Variants in LARGE1 observed in about 807,000 individuals in gnomAD.
LARGE1 encodes the protein xylosyl- and glucuronyltransferase LARGE1.
Under a neutral mutation model 87.6 loss-of-function variants are expected in LARGE1, and 43 were observed. The observed-to-expected ratio is 0.49, with a 90% CI of 0.38 to 0.63. LARGE1 has a LOEUF of 0.63. LARGE1 is among the 30% of genes least tolerant of loss of function. LARGE1 has a pLI of 0.00. For missense variants in LARGE1, 802 were observed against 1,000.2 expected, an observed-to-expected ratio of 0.80 and a Z score of 2.67; for synonymous variants, 434 against 394.6, an observed-to-expected ratio of 1.10 and a Z score of -1.18.
At chr22:33,159,203 T>C (rs1316313280), downstream of LARGE1, among the ~76,000 whole-genome samples, 1 of 152,200 alleles carries the variant, frequency 6.6e-6, no homozygotes, top group Non-Finnish European at 1.5e-5. Flanking sequence ...TTTCTCCACA[T>C]TCTCTAATTG....
the LARGE1 span, among the ~76,000 whole-genome samples, chr22:33,098,414 T>C: frequency 2.0e-5 from 3 of 152,012 alleles, no homozygotes; most frequent in Admixed American, 6.6e-5. Flanking sequence ...GGTCAGGAGA[T>C]GGAGACCATC....
chr22:33,435,462 A>G (rs760541), intron 6 of LARGE1, among the ~76,000 whole-genome samples: 57,500 of 152,062 alleles, frequency 0.38, 11,931 homozygotes, highest in African/African-American at 0.54. Flanking sequence ...GGTGCTTAAT[A>G]AATGTCTGCT....
At chr22:33,852,866 AAAAAAAAAAAAAAG>A (rs1440419129) in intron 1 of LARGE1, among the ~76,000 whole-genome samples, 18 of 105,460 alleles carry the variant, frequency 1.7e-4, no homozygotes, top group African/African-American at 8.6e-4. Context: ...CAAAAAAAAA[AAAAAAAAAAAAAAG>A]AAAGAAAGAA....
chr22:33,604,816 G>A (rs1411455107), intron 4 of LARGE1, among the ~76,000 whole-genome samples: 1 of 152,120 alleles, frequency 6.6e-6, no homozygotes, highest in Admixed American at 6.5e-5. Flanking sequence ...CCCAATTCAG[G>A]CCAAACGCCA....
the LARGE1 span, among the ~76,000 whole-genome samples, chr22:33,133,197 A>G: frequency 2.0e-5 from 3 of 152,012 alleles, no homozygotes; most frequent in African/African-American, 4.8e-5. Context: ...TATTTTTTTA[A>G]TACTTTAAGT....
chr22:33,703,893 A>G (rs937502151), intron 2 of LARGE1, among the ~76,000 whole-genome samples: 1 of 152,344 alleles, frequency 6.6e-6, no homozygotes, highest in South Asian at 2.1e-4. Flanking sequence ...AAACTAACAT[A>G]TATGTGTTAA....
intron 2 of LARGE1, among the ~76,000 whole-genome samples, chr22:33,695,294 G>C (rs1293850095): frequency 6.6e-6 from 1 of 151,968 alleles, no homozygotes; most frequent in Non-Finnish European, 1.5e-5. Context: ...AGTAGAGACA[G>C]CGTTTCACCA....
chr22:33,151,981 T>C, the LARGE1 span, among the ~76,000 whole-genome samples: 1 of 152,196 alleles, frequency 6.6e-6, no homozygotes, highest in Admixed American at 6.5e-5. Context: ...TTATCTATTT[T>C]CTGGAAGTGA....
chr22:33,233,529 CT>C (rs1926111525), intron 11 of LARGE1, among the ~76,000 whole-genome samples: 1 of 152,000 alleles, frequency 6.6e-6, no homozygotes, highest in South Asian at 2.1e-4. Flanking sequence ...AAAGTCTAGG[CT>C]GTGGGGGGCC....
chr22:33,757,971 T>A (rs2084582528), intron 2 of LARGE1, among the ~76,000 whole-genome samples: 1 of 152,096 alleles, frequency 6.6e-6, no homozygotes, highest in Admixed American at 6.6e-5. Flanking sequence ...GTCAGATGGG[T>A]CACCTTGCGT....
chr22:33,672,487 C>T (rs2081445979), intron 2 of LARGE1, among the ~76,000 whole-genome samples: 1 of 152,188 alleles, frequency 6.6e-6, no homozygotes, highest in Non-Finnish European at 1.5e-5. Context: ...GCCAGCCCTG[C>T]TCTCCTGTTC....
intron 10 of LARGE1, among the ~76,000 whole-genome samples, chr22:33,337,121 A>G (rs1188831621): frequency 3.9e-5 from 6 of 152,042 alleles, no homozygotes; most frequent in South Asian, 2.1e-4. Context: ...TGAACAAATT[A>G]TAAGTGGTGA....
intron 1 of LARGE1, among the ~76,000 whole-genome samples, chr22:33,774,331 T>A (rs1569440259): frequency 6.6e-6 from 1 of 152,044 alleles, no homozygotes; most frequent in African/African-American, 2.4e-5. Flanking sequence ...TTAAAAAAAA[T>A]AGGAGACGTT....
At chr22:33,459,103 T>C (rs1346119297) in intron 6 of LARGE1, among the ~76,000 whole-genome samples, 3 of 152,168 alleles carry the variant, frequency 2.0e-5, no homozygotes, top group South Asian at 2.1e-4. Flanking sequence ...CCTATTGCTC[T>C]GTCCTCTAAG....
intron 7 of LARGE1, among the ~76,000 whole-genome samples, chr22:33,398,124 C>T (rs2065811312): frequency 6.6e-6 from 1 of 152,088 alleles, no homozygotes; most frequent in African/African-American, 2.4e-5. Flanking sequence ...TATGCACCAA[C>T]AGAGACCCCC....
the LARGE1 span, among the ~76,000 whole-genome samples, chr22:33,098,247 G>T: frequency 2.0e-5 from 3 of 152,126 alleles, no homozygotes; most frequent in Non-Finnish European, 4.4e-5. Context: ...GCTGCAGTGA[G>T]CTATGATCAC....
intron 1 of LARGE1, among the ~76,000 whole-genome samples, chr22:33,886,660 AAAAAAAAAAAAAAAG>A (rs1488511112): frequency 7.0e-6 from 1 of 142,538 alleles, no homozygotes; most frequent in African/African-American, 2.5e-5. Context: ...TTCTGCCAAA[AAAAAAAAAAAAAAAG>A]AAAAAAAAAG....
chr22:33,758,291 A>C (rs2084595996), intron 2 of LARGE1, among the ~76,000 whole-genome samples: 1 of 152,140 alleles, frequency 6.6e-6, no homozygotes, highest in Non-Finnish European at 1.5e-5. Context: ...ACATAACCAG[A>C]TTTGAACGGG....
chr22:33,679,940 A>G (rs1221234886), intron 2 of LARGE1, among the ~76,000 whole-genome samples: 1 of 152,228 alleles, frequency 6.6e-6, no homozygotes, highest in African/African-American at 2.4e-5. Flanking sequence ...GGTTTAGCCA[A>G]TACCTTGATT....
Sources: gnomAD v4.1 joint callset for allele counts (sites outside exome capture counted in the v4.1 genomes callset) on GRCh38, gnomAD v4.1.1 for gene constraint, MANE v1.5 for transcripts, NCBI Gene and HGNC (gene_info 2026-07-23, HGNC 2026-07-21) for gene names.